MCPH1: variants seen among roughly 807,000 people sequenced by gnomAD.
The protein encoded by MCPH1 is microcephalin.
In MCPH1, 104 loss-of-function variants were observed where a neutral mutation model predicts 84.5. The observed-to-expected ratio is 1.23, with a 90% CI of 1.05 to 1.45. The LOEUF (loss-of-function observed/expected upper bound fraction) is 1.45. Among genes scored for constraint, MCPH1 ranks in the 40% most tolerant of loss-of-function variants. The pLI, the probability that MCPH1 is intolerant of heterozygous loss-of-function variation, is 0.00. For synonymous variants in MCPH1, 514 were observed against 366.8 expected (o/e 1.40, Z -4.58); for missense variants, 1,498 against 1,005.7 (o/e 1.49, Z -6.62).
chr8:6,496,998 T>G (rs1313382574), intron 11 of MCPH1, among the ~76,000 whole-genome samples: 1 of 152,222 alleles, frequency 6.6e-6, no homozygotes, highest in Non-Finnish European at 1.5e-5. Flanking sequence ...TTTTTGCTTA[T>G]GAAATACTTT....
chr8:6,634,366 C>A (rs1052722737), intron 13 of MCPH1, among the ~76,000 whole-genome samples: 8 of 152,200 alleles, frequency 5.3e-5, no homozygotes, highest in African/African-American at 1.9e-4. Context: ...TAATGAAAAT[C>A]TGATGCCAGA....
At chr8:6,528,641 G>A (rs553440883) in intron 12 of MCPH1, among the ~76,000 whole-genome samples, 2 of 152,350 alleles carry the variant, frequency 1.3e-5, no homozygotes, top group South Asian at 2.1e-4. Context: ...GCTCTCCCGC[G>A]GATTCTCTAG....
chr8:6,423,185 C>CTTTTTTTTTTTTTTTTTTT (rs374999485), intron 3 of MCPH1, among the ~76,000 whole-genome samples: 1 of 110,786 alleles, frequency 9.0e-6, no homozygotes, highest in Non-Finnish European at 1.9e-5. Context: ...TTTTTCTTTT[C>CTTTTTTTTTTTTTTTTTTT]TTTTCTTTTT....
chr8:6,499,339 C>G (rs550924650), intron 11 of MCPH1, among the ~76,000 whole-genome samples: 3 of 152,184 alleles, frequency 2.0e-5, no homozygotes, highest in Non-Finnish European at 4.4e-5. Flanking sequence ...ACATTTTACT[C>G]TTCCAAAGTC....
intron 13 of MCPH1, among the ~76,000 whole-genome samples, chr8:6,640,077 TGTGTGTGTGTGTGTGTGTGTGC>T (rs962613616): frequency 6.9e-5 from 10 of 144,246 alleles, no homozygotes; most frequent in African/African-American, 1.1e-4. Context: ...TGTGTGTGTG[TGTGTGTGTGTGTGTGTGTGTGC>T]GCGCGCGTGT....
chr8:6,439,188 G>T (rs764851156), intron 6 of MCPH1, 92 bp downstream of exon 6: 8 of 1,302,656 alleles, frequency 6.1e-6, no homozygotes, highest in Admixed American at 2.0e-5. Context: ...ATATTTTAAT[G>T]TTTCCTGGTA....
intron 11 of MCPH1, among the ~76,000 whole-genome samples, chr8:6,492,728 CAAAT>C (rs1810774709): frequency 1.1e-5 from 1 of 91,252 alleles, no homozygotes; most frequent in South Asian, 4.3e-4. Flanking sequence ...ATTAAATTAT[CAAAT>C]AAATATTAAT....
At chr8:6,414,642 T>C in intron 2 of MCPH1, 123 bp from the exon 3 acceptor site, 1 of 1,027,760 alleles carries the variant, frequency 9.7e-7, no homozygotes, top group East Asian at 2.7e-5. Flanking sequence ...TATGCATTCC[T>C]TTGAGTGTTT....
chr8:6,531,109 C>T (rs1448683026), intron 12 of MCPH1, among the ~76,000 whole-genome samples: 2 of 152,092 alleles, frequency 1.3e-5, no homozygotes, highest in South Asian at 2.1e-4. Context: ...CCGAGAGTCA[C>T]GACCACGGCC....
intron 11 of MCPH1, among the ~76,000 whole-genome samples, chr8:6,481,318 A>G (rs1159247006): frequency 6.6e-6 from 1 of 152,238 alleles, no homozygotes; most frequent in Non-Finnish European, 1.5e-5. Context: ...TTTTAATCCC[A>G]TTTGGATAGG....
chr8:6,497,402 C>A (rs534872631), intron 11 of MCPH1, among the ~76,000 whole-genome samples: 1 of 151,990 alleles, frequency 6.6e-6, no homozygotes, highest in Non-Finnish European at 1.5e-5. Context: ...ACACAGGAGG[C>A]TGAGTCAGGA....
chr8:6,523,057 G>T (rs1019810945), intron 12 of MCPH1, among the ~76,000 whole-genome samples: 98 of 151,974 alleles, frequency 6.4e-4, no homozygotes, highest in Non-Finnish European at 7.1e-4. Context: ...GAGTGCAAGG[G>T]TGCCATCTTG....
chr8:6,587,178 G>T (rs556295606), intron 12 of MCPH1, among the ~76,000 whole-genome samples: 2 of 152,052 alleles, frequency 1.3e-5, no homozygotes, highest in Non-Finnish European at 2.9e-5. Flanking sequence ...GTCTGATGCC[G>T]CTTTTATAAA....
At chr8:6,436,289 G>A (rs1212670455) in intron 5 of MCPH1, 127 bp downstream of exon 5, 1 of 1,076,172 alleles carries the variant, frequency 9.3e-7, no homozygotes, top group Non-Finnish European at 1.3e-6. Flanking sequence ...CTCTATGAAG[G>A]AGAAAACAAA....
intron 9 of MCPH1, among the ~76,000 whole-genome samples, chr8:6,475,916 G>C (rs950647473): frequency 2.6e-5 from 4 of 152,108 alleles, no homozygotes; most frequent in Non-Finnish European, 4.4e-5. Flanking sequence ...AGAAAGAGGA[G>C]GTGTATAAGG....
chr8:6,408,853 C>G (rs1288825275), intron 1 of MCPH1, among the ~76,000 whole-genome samples: 1 of 151,914 alleles, frequency 6.6e-6, no homozygotes, highest in African/African-American at 2.4e-5. Flanking sequence ...TGAGCCACCA[C>G]ACCTGGCCAG....
At chr8:6,475,774 A>T (rs1808368542) in intron 9 of MCPH1, among the ~76,000 whole-genome samples, 1 of 152,116 alleles carries the variant, frequency 6.6e-6, no homozygotes, top group African/African-American at 2.4e-5. Context: ...TGGTGAGTTT[A>T]AAACAGGCAG....
chr8:6,561,170 A>C (rs927039353), intron 12 of MCPH1, among the ~76,000 whole-genome samples: 2 of 152,250 alleles, frequency 1.3e-5, no homozygotes, highest in Non-Finnish European at 2.9e-5. Flanking sequence ...ACAGCTATGA[A>C]TTTTAGAAGA....
Position 6,647,292 on chromosome 8 carries a change from A to G in MCPH1, c.*4243A>G, listed in dbSNP as rs890236246. 6.6e-6 allele frequency: 1 copy of G among 152,254 alleles called. No homozygotes were observed. The highest frequency in any genetic ancestry group is 2.4e-5 in the African/African-American group (1 of 41,462). The allele number at this position is 152,254 out of a possible 1,614,324, so 9.4% of individuals were successfully genotyped here. On this transcript the variant is annotated 3_prime_UTR_variant, in exon 14 of 14. Transcript: ENST00000344683. ...GATAATTCCAACATCTGACCAAGAT[A>G]TGGAGAAACTAGAACTCTCCTACAT...
Sources: gnomAD v4.1 joint callset for allele counts (sites outside exome capture counted in the v4.1 genomes callset) on GRCh38, gnomAD v4.1.1 for gene constraint, MANE v1.5 for transcripts, NCBI Gene and HGNC (gene_info 2026-07-23, HGNC 2026-07-21) for gene names.